ARMC10: variants seen among roughly 807,000 people sequenced by gnomAD.
The protein encoded by ARMC10 is armadillo repeat-containing protein 10.
Under a neutral mutation model 30.2 loss-of-function variants are expected in ARMC10, and 23 were observed. The ratio of observed to expected loss-of-function variants is 0.76; its 90% CI spans 0.55 to 1.08. ARMC10 has a LOEUF of 1.08. ARMC10 is among the 50% of genes least tolerant of loss of function. The pLI is 0.00. For missense variants in ARMC10, 303 were observed against 413.7 expected (o/e 0.73, Z 2.32); for synonymous variants, 111 against 164.4 (o/e 0.68, Z 2.48).
In ARMC10 at chr7:103,099,575, C is replaced by CGGGTGTGTGTGTGTGTGTGTGTGTGTGT. The variant is rs1802076461; in HGVS notation, c.*1023_*1024insGGTGTGTGTGTGTGTGTGTGTGTGTGTG. 1 of 30,008 alleles carries CGGGTGTGTGTGTGTGTGTGTGTGTGTGT rather than the reference C, an allele frequency of 3.3e-5. No homozygotes were observed. The highest frequency in any genetic ancestry group is 4.9e-5 in the African/African-American group (1 of 20,474). The allele number at this position is 30,008 out of a possible 1,614,324, so 1.9% of individuals were successfully genotyped here. ...ACAAAAATTATAGAATATGGGATCC[C>CGGGTGTGTGTGTGTGTGTGTGTGTGTGT]GTGTGTGTGTGTGTGTGTTTGAATG... On this transcript the variant is annotated 3_prime_UTR_variant, in exon 7 of 7. Coordinates refer to ENST00000323716, the MANE Select transcript of ARMC10 (RefSeq NM_031905.5).
chr7:103,087,050 C>G (rs1800924810), intron 4 of ARMC10: 1 of 555,006 alleles, frequency 1.8e-6, no homozygotes, highest in Non-Finnish European at 2.6e-6. Context: ...TAGGCACCAA[C>G]CAAATAGTGA....
Position 103,075,277 on chromosome 7 carries a change from G to T in ARMC10, c.5G>T (p.Gly2Val), listed in dbSNP as rs1036019465. The stretch of plus-strand genomic sequence containing the variant: ...CGGCTCTGCCGCGGCGGCAGCATGG[G>T]TGGCCCCCGGGGCGCGGGCTGGGTG... M[G>V]GPRGAGWVAA... Residue 2 changes from glycine to valine, a missense_variant, in exon 1 of 7, where the codon GGT (glycine) becomes GTT (valine). Around this residue, in one of 4 missense-constraint regions of ARMC10, gnomAD observed 11 missense variants for 27.6 expected, o/e 0.40. Coordinates refer to ENST00000323716, the MANE Select transcript of ARMC10 (RefSeq NM_031905.5). 3 of 1,213,360 alleles carry T rather than the reference G, an allele frequency of 2.5e-6. No homozygotes were observed. Among genetic ancestry groups the T allele is most frequent in the Admixed American group, 8.7e-5 (2 of 22,932 alleles). 75.2% of individuals were successfully genotyped at this position (1,213,360 alleles called of 1,614,324 possible).
intron 4 of ARMC10, among the ~76,000 whole-genome samples, chr7:103,090,046 A>T (rs1801177685): frequency 6.6e-6 from 1 of 152,194 alleles, no homozygotes; most frequent in Non-Finnish European, 1.5e-5. Context: ...TAAGAGGTGG[A>T]GTCTGACCTG....
rs1337850489 is a variant in ARMC10, at chr7:103,075,368, G to A, written c.96G>A (p.Arg32=). The A allele has an allele frequency of 2.3e-6, 3 of 1,281,174 alleles. No individual in the cohort carries two copies. Among genetic ancestry groups the A allele is most frequent in the Non-Finnish European group, 3.0e-6 (3 of 1,012,462 alleles). The allele number at this position is 1,281,174 out of a possible 1,614,324, so 79.4% of individuals were successfully genotyped here. ...YCIYRLTRGR[R]RGDRELGIRS... Reference sequence around the variant, plus strand: ...TTTACAGGCTGACCCGGGGTCGGCGGCGGGGCGACCGCGAGCTCGGGATAC... The same window carrying A: ...TTTACAGGCTGACCCGGGGTCGGCGACGGGGCGACCGCGAGCTCGGGATAC... Residue 32 remains arginine, a synonymous_variant, in exon 1 of 7, where the codon CGG becomes CGA. Transcript: ENST00000323716.
intron 2 of ARMC10, among the ~76,000 whole-genome samples, chr7:103,082,343 G>T (rs1011681793): frequency 2.7e-4 from 40 of 150,866 alleles, no homozygotes; most frequent in African/African-American, 9.3e-4. Context: ...GTGTGTGTGT[G>T]TGATTCTTCT....
intron 4 of ARMC10, chr7:103,086,989 T>C: frequency 8.0e-7 from 1 of 1,252,194 alleles, no homozygotes; most frequent in Middle Eastern, 2.9e-4. Flanking sequence ...TTCTACAGGT[T>C]ATCCTCTACA....
chr7:103,084,117 T>C (rs1156446656), intron 3 of ARMC10: 1 of 1,148,686 alleles, frequency 8.7e-7, no homozygotes, highest in Non-Finnish European at 1.2e-6. Flanking sequence ...TTATTTAAAA[T>C]TCAGCAGTGC....
chr7:103,084,935 C>G (rs1369928304), intron 3 of ARMC10, among the ~76,000 whole-genome samples: 1 of 152,172 alleles, frequency 6.6e-6, no homozygotes, highest in Non-Finnish European at 1.5e-5. Flanking sequence ...AGGCCTGGTT[C>G]ACATGAGCAT....
At chr7:103,075,510 C>A in intron 1 of ARMC10, 99 bp downstream of exon 1, 1 of 1,174,256 alleles carries the variant, frequency 8.5e-7, no homozygotes, top group Non-Finnish European at 1.1e-6. Context: ...AAATGAGGAG[C>A]CGAGCTAGAG....
chr7:103,083,570 G>T, intron 2 of ARMC10, 112 bp from the exon 3 acceptor site: 1 of 899,076 alleles, frequency 1.1e-6, no homozygotes, highest in South Asian at 1.6e-5. Context: ...AGGTTGTAGT[G>T]AGCCATGATT....
intron 4 of ARMC10, chr7:103,087,792 T>C: frequency 1.0e-6 from 1 of 985,162 alleles, no homozygotes; most frequent in Non-Finnish European, 1.2e-6. Context: ...AAGCAGTAAC[T>C]GTGAGGAGCT....
intron 2 of ARMC10, among the ~76,000 whole-genome samples, chr7:103,077,664 C>T (rs1800011206): frequency 6.6e-6 from 1 of 152,156 alleles, no homozygotes; most frequent in Non-Finnish European, 1.5e-5. Flanking sequence ...TAAGTTTCGA[C>T]ATGAGTTTCG....
intron 1 of ARMC10, 44 bp from the exon 2 acceptor site, chr7:103,075,733 G>A (rs1438857380): frequency 1.4e-6 from 2 of 1,420,074 alleles, no homozygotes; most frequent in Non-Finnish European, 1.9e-6. Flanking sequence ...ATTGTGGAAG[G>A]GCTGTTGAGG....
At chr7:103,079,223 G>C (rs1031541569) in intron 2 of ARMC10, among the ~76,000 whole-genome samples, 2 of 151,804 alleles carry the variant, frequency 1.3e-5, no homozygotes, top group Admixed American at 6.6e-5. Context: ...AATATACCAA[G>C]GCCAAATGGA....
chr7:103,097,379 A>G (rs1801842461), intron 6 of ARMC10, 31 bp downstream of exon 6: 2 of 1,401,782 alleles, frequency 1.4e-6, no homozygotes, highest in South Asian at 1.2e-5. Flanking sequence ...TTTTGTAAAT[A>G]TACACATATA....
At chr7:103,086,139 A>G (rs948129399) in intron 3 of ARMC10, among the ~76,000 whole-genome samples, 6 of 152,156 alleles carry the variant, frequency 3.9e-5, no homozygotes, top group Admixed American at 1.3e-4. Flanking sequence ...ACCATGGGAA[A>G]CCACCCCCCC....
In ARMC10 at chr7:103,083,869, T is replaced by A; in HGVS notation, c.393+39T>A. 2.5e-6 allele frequency: 4 copies of A among 1,605,168 alleles called. 1 individual carries two copies. Among genetic ancestry groups the A allele is most frequent in the Non-Finnish European group, 3.4e-6 (4 of 1,175,100 alleles). On this transcript the variant is annotated intron_variant, in intron 3 of 6. Coordinates refer to ENST00000323716, the MANE Select transcript of ARMC10 (RefSeq NM_031905.5). ...CTCAGCAAGCAAGCTCTTTCCATTC[T>A]TACACACTAGCGGTAATTGTGACCC...
chr7:103,078,313 G>A lies in ARMC10; in HGVS notation c.244+2432G>A, dbSNP rs536269839. ...ATTGTAATCCCATAATCCCTACATC[G>A]TGGGAGGGACCCGGTGGAAGGTAAT... is the stretch of plus-strand genomic sequence containing the variant. On this transcript the variant is annotated intron_variant, in intron 2 of 6. Transcript: ENST00000323716. 1.2e-4 allele frequency among the ~76,000 whole-genome samples: 18 copies of A among 152,262 alleles called. No homozygotes were observed. The East Asian group carries it at 2.7e-3, about 23-fold the overall frequency.
chr7:103,080,318 G>A (rs1800265832), intron 2 of ARMC10, among the ~76,000 whole-genome samples: 1 of 152,142 alleles, frequency 6.6e-6, no homozygotes, highest in South Asian at 2.1e-4. Flanking sequence ...GCTGTGGTGC[G>A]ATCTCAGCTC....
Sources: allele counts gnomAD v4.1 joint callset (sites outside exome capture counted in the v4.1 genomes callset), GRCh38; gene constraint gnomAD v4.1.1; regional missense constraint gnomAD v4.1.1; transcripts MANE v1.5; gene names NCBI Gene and HGNC (gene_info 2026-07-23, HGNC 2026-07-21).